CCDC32: variants seen among roughly 807,000 people sequenced by gnomAD.
The protein encoded by CCDC32 is coiled-coil domain-containing protein 32.
Under a neutral mutation model 20.1 loss-of-function variants are expected in CCDC32, and 9 were observed. The ratio of observed to expected loss-of-function variants is 0.45; its 90% CI spans 0.27 to 0.78. CCDC32 has a LOEUF of 0.78. CCDC32 is among the 30% of genes least tolerant of loss of function. The pLI is 0.16. For missense variants in CCDC32, 204 were observed against 215.5 expected (o/e 0.95, Z 0.33); for synonymous variants, 63 against 79.0 (o/e 0.80, Z 1.07).
intron 1 of CCDC32, chr15:40,564,726 G>A (rs2141664837): frequency 1.2e-6 from 2 of 1,614,094 alleles, no homozygotes; most frequent in Non-Finnish European, 1.7e-6. Context: ...CCCCCAACCC[G>A]AATTCGTCTA....
At chr15:40,525,448 C>T (rs1463358630), downstream of CCDC32, among the ~76,000 whole-genome samples, 1 of 152,144 alleles carries the variant, frequency 6.6e-6, no homozygotes, top group African/African-American at 2.4e-5. Context: ...CAGGCATGAG[C>T]CACCATGTAT....
At chr15:40,539,872 A>ACACACACACACACAC (rs1350115738) in intron 3 of CCDC32, among the ~76,000 whole-genome samples, 2 of 151,416 alleles carry the variant, frequency 1.3e-5, no homozygotes, top group East Asian at 3.9e-4. Context: ...ACACACACAC[A>ACACACACACACACAC]CACACACACC....
rs148786916 is a variant in CCDC32, at chr15:40,554,012, C to T, written c.517G>A (p.Glu173Lys). The change falls in exon 4 of 4, where the codon GAG becomes AAG. Residue 173 changes from glutamate to lysine, a missense_variant. Glu to Lys is a moderately conservative substitution (Grantham distance 56, BLOSUM62 1). Coordinates refer to ENST00000416810, the MANE Select transcript of CCDC32 (RefSeq NM_001080792.4). ...SQVEKPVAED[E>K]PAAGDKPAAA... Reference sequence around the variant, plus strand: ...GCTGGCTTGTCCCCGGCTGCTGGCTCGTCCTCGGCCACTGGCTTCTCAACC... The same window carrying T: ...GCTGGCTTGTCCCCGGCTGCTGGCTTGTCCTCGGCCACTGGCTTCTCAACC... The T allele has an allele frequency of 1.1e-5, 18 of 1,612,872 alleles. No individual in the cohort carries two copies. The highest frequency in any genetic ancestry group is 6.7e-5 in the African/African-American group (5 of 74,488).
chr15:40,564,927 C>A, intron 1 of CCDC32, 49 bp downstream of exon 1: 1 of 970,222 alleles, frequency 1.0e-6, no homozygotes, highest in Non-Finnish European at 1.6e-6. Flanking sequence ...GGGGCCGGGC[C>A]AGAGTGGGAG....
At chr15:40,529,416 T>C (rs954405865) in intron 3 of CCDC32, among the ~76,000 whole-genome samples, 1 of 152,168 alleles carries the variant, frequency 6.6e-6, no homozygotes, top group African/African-American at 2.4e-5. Context: ...TCTTAGGAAA[T>C]GCGTTTATAT....
intron 1 of CCDC32, among the ~76,000 whole-genome samples, chr15:40,563,677 A>AACACAC (rs59483012): frequency 1.5e-5 from 2 of 129,704 alleles, no homozygotes; most frequent in Non-Finnish European, 3.6e-5. Context: ...CATATATTTT[A>AACACAC]ACACACACAC....
At chr15:40,535,515 A>G, downstream of CCDC32, 1 of 986,798 alleles carries the variant, frequency 1.0e-6, no homozygotes, top group Non-Finnish European at 1.2e-6. Flanking sequence ...CTATAGATTT[A>G]TAGTTTTCAG....
At chr15:40,563,170 C>T in intron 1 of CCDC32, 143 bp from the exon 2 acceptor site, 3 of 1,020,044 alleles carry the variant, frequency 2.9e-6, no homozygotes, top group Non-Finnish European at 4.3e-6. Context: ...CGAGACCAGC[C>T]TGGGAAACAT....
At chr15:40,550,211 C>T (rs1427344777), downstream of CCDC32, among the ~76,000 whole-genome samples, 1 of 152,142 alleles carries the variant, frequency 6.6e-6, no homozygotes, top group African/African-American at 2.4e-5. Flanking sequence ...TTGGTGATTA[C>T]CCTCCCCTGG....
chr15:40,532,901 C>T (rs1888946049), downstream of CCDC32, among the ~76,000 whole-genome samples: 1 of 151,822 alleles, frequency 6.6e-6, no homozygotes, highest in South Asian at 2.1e-4. Flanking sequence ...TAGGGGGTTT[C>T]ACCATGTTGC....
At chr15:40,563,133 C>T in intron 1 of CCDC32, 106 bp from the exon 2 acceptor site, 1 of 1,353,340 alleles carries the variant, frequency 7.4e-7, no homozygotes, top group East Asian at 2.3e-5. Flanking sequence ...GAAGCCGAGG[C>T]AGTCAGATCA....
chr15:40,554,165 C>A (rs762280342), intron 3 of CCDC32, 38 bp from the exon 4 acceptor site: 62 of 1,581,030 alleles, frequency 3.9e-5, no homozygotes, highest in Non-Finnish European at 5.2e-5. Flanking sequence ...CTGTGTCAGA[C>A]CTCACTGATT....
chr15:40,562,669 C>G, intron 2 of CCDC32, 103 bp downstream of exon 2: 3 of 1,330,654 alleles, frequency 2.3e-6, no homozygotes, highest in Non-Finnish European at 3.1e-6. Context: ...GGAATTATAT[C>G]TGACAGATAC....
At chr15:40,547,948 T>TA (rs1346993233) in intron 3 of CCDC32, among the ~76,000 whole-genome samples, 1 of 152,274 alleles carries the variant, frequency 6.6e-6, no homozygotes, top group Non-Finnish European at 1.5e-5. Context: ...TCTAAACTGA[T>TA]ATGCTAGGCC....
At chr15:40,561,472 CAA>C (rs1222248827) in intron 2 of CCDC32, among the ~76,000 whole-genome samples, 1 of 97,652 alleles carries the variant, frequency 1.0e-5, no homozygotes. Flanking sequence ...GACTCCGTCT[CAA>C]AAAAAAAAAA....
downstream of CCDC32, among the ~76,000 whole-genome samples, chr15:40,530,541 C>CTCTG (rs1224947384): frequency 1.1e-4 from 16 of 149,760 alleles, 1 homozygote; most frequent in Non-Finnish European, 1.8e-4. Context: ...CTCTCTCTCT[C>CTCTG]TCTTGCTTGG....
At chr15:40,564,542 A>G (rs1340870938) in intron 1 of CCDC32, among the ~76,000 whole-genome samples, 1 of 152,166 alleles carries the variant, frequency 6.6e-6, no homozygotes, top group African/African-American at 2.4e-5. Flanking sequence ...ATCTAGGCAT[A>G]TGAGACAGGC....
Position 40,539,245 on chromosome 15 carries a change from G to T in CCDC32, c.512C>A (p.Ser171Ter). 1 of 1,535,458 alleles carries T rather than the reference G, an allele frequency of 6.5e-7. No individual in the cohort carries two copies. The highest frequency in any genetic ancestry group is 8.7e-7 in the Non-Finnish European group (1 of 1,146,698). Residue 171 changes from serine (S) to a stop codon, truncating the protein, a stop_gained, in exon 4 of 4, where the codon TCG becomes TAG. Coordinates refer to the CCDC32 transcript ENST00000558113. LOFTEE classifies it high-confidence loss of function. ...GGCCCGCCCTGGCTGTTACCATGAC[G>T]ACTGCTGGGCTGGAAATGTCCTTCG...
chr15:40,524,739 C>CTTTTTTTTTTTTTTTTTTTTTTTTTTTT (rs758786719), downstream of CCDC32, among the ~76,000 whole-genome samples: 3 of 95,200 alleles, frequency 3.2e-5, no homozygotes, highest in African/African-American at 1.1e-4. Context: ...CTTTTTCTTT[C>CTTTTTTTTTTTTTTTTTTTTTTTTTTTT]TTTTTTTTTT....
Sources: allele counts gnomAD v4.1 joint callset (sites outside exome capture counted in the v4.1 genomes callset), GRCh38; gene constraint gnomAD v4.1.1; transcripts MANE v1.5; gene names NCBI Gene and HGNC (gene_info 2026-07-23, HGNC 2026-07-21).